Variants in ANK3 observed in about 807,000 individuals in gnomAD.
The protein encoded by ANK3 is ankyrin 3, also known as ankyrin-3.
ANK3 carries 57 observed loss-of-function variants against 370.9 expected under a neutral mutation model. The ratio of observed to expected loss-of-function variants is 0.15; its 90% CI spans 0.12 to 0.19. The LOEUF (loss-of-function observed/expected upper bound fraction) is 0.19, where lower values mean the gene tolerates loss of function less well. ANK3 is among the 10% of genes least tolerant of loss of function. The probability of loss-of-function intolerance (pLI) is 1.00; values close to 1 mark genes in which losing one functional copy is unlikely to be tolerated. For synonymous variants in ANK3, 1,929 were observed against 1,946.3 expected (o/e 0.99, Z 0.23); for missense variants, 4,439 against 5,302.1 (o/e 0.84, Z 5.06).
intron 1 of ANK3, among the ~76,000 whole-genome samples, chr10:60,339,469 T>A (rs1024253571): frequency 6.6e-6 from 1 of 152,194 alleles, no homozygotes; most frequent in Non-Finnish European, 1.5e-5. Context: ...CCCTGTCATG[T>A]AAAACAAGGA....
chr10:60,404,965 A>G (rs1033223862), intron 2 of ANK3, among the ~76,000 whole-genome samples: 2 of 152,196 alleles, frequency 1.3e-5, no homozygotes, highest in African/African-American at 4.8e-5. Flanking sequence ...TGCAAATGAA[A>G]TCTGACATGA....
At chr10:60,616,263 C>A (rs1163860999) in intron 1 of ANK3, among the ~76,000 whole-genome samples, 1 of 152,128 alleles carries the variant, frequency 6.6e-6, no homozygotes, top group African/African-American at 2.4e-5. Flanking sequence ...CTTATTTAAT[C>A]TTCACAACTT....
intron 2 of ANK3, among the ~76,000 whole-genome samples, chr10:60,577,189 C>T (rs1393620488): frequency 6.6e-6 from 1 of 152,162 alleles, no homozygotes; most frequent in Non-Finnish European, 1.5e-5. Context: ...TCCCACAGAG[C>T]TGGCATTGTC....
chr10:60,072,908 C>G lies in ANK3; in HGVS notation c.7973G>C (p.Gly2658Ala), dbSNP rs1387264748. ...TGCCTTCTCCTCGGCCTTGGGGAAG[C>G]CTTGTCCATCAGGGCCATGCTGTCT... ...KARQHGPDGQ[G>A]FPKAEEKAPS... Residue 2658 changes from glycine (G) to alanine (A), a missense_variant, in exon 37 of 44, where the codon GGC (glycine) becomes GCC (alanine). This residue lies in a region of ANK3 where 1,601 missense variants were observed against 1,731.7 expected (regional missense o/e 0.92). Coordinates refer to ENST00000280772, the MANE Select transcript of ANK3 (RefSeq NM_020987.5). The G allele has an allele frequency of 1.9e-6, 3 of 1,613,936 alleles. No individual in the cohort carries two copies. Among genetic ancestry groups the G allele is most frequent in the African/African-American group, 2.7e-5 (2 of 74,902 alleles).
intron 1 of ANK3, among the ~76,000 whole-genome samples, chr10:60,704,191 A>C (rs2079581880): frequency 6.6e-6 from 1 of 152,234 alleles, no homozygotes; most frequent in Non-Finnish European, 1.5e-5. Flanking sequence ...TTAATAATAC[A>C]GGCATGGTAT....
At chr10:60,704,254 T>C (rs1269835918) in intron 1 of ANK3, among the ~76,000 whole-genome samples, 1 of 152,226 alleles carries the variant, frequency 6.6e-6, no homozygotes, top group African/African-American at 2.4e-5. Context: ...GTCACTATCA[T>C]AGGTAATGTC....
intron 1 of ANK3, among the ~76,000 whole-genome samples, chr10:60,299,456 T>C (rs960032408): frequency 2.0e-5 from 3 of 152,344 alleles, no homozygotes; most frequent in South Asian, 4.1e-4. Flanking sequence ...CTAGTCATTA[T>C]GACTATTTCA....
chr10:60,236,115 C>T (rs575835577), intron 7 of ANK3, among the ~76,000 whole-genome samples: 1 of 152,226 alleles, frequency 6.6e-6, no homozygotes, highest in Admixed American at 6.5e-5. Flanking sequence ...AAACATCAAC[C>T]TTTAGCCAAT....
chr10:60,414,445 G>A (rs553754208), intron 2 of ANK3, among the ~76,000 whole-genome samples: 1 of 152,260 alleles, frequency 6.6e-6, no homozygotes, highest in South Asian at 2.1e-4. Context: ...GCAGTTCAAG[G>A]AACACAAGGC....
intron 38 of ANK3, among the ~76,000 whole-genome samples, 153 bp downstream of exon 38, chr10:60,067,782 T>C (rs1390595742): frequency 6.6e-6 from 1 of 152,226 alleles, no homozygotes; most frequent in Non-Finnish European, 1.5e-5. Flanking sequence ...GTACAATCAG[T>C]ATTTATCTCT....
chr10:60,067,812 T>C, intron 38 of ANK3, 123 bp downstream of exon 38: 1 of 640,038 alleles, frequency 1.6e-6, no homozygotes, highest in Non-Finnish European at 2.5e-6. Flanking sequence ...AAATTATTGG[T>C]GATAAAAATG....
chr10:60,506,939 C>T (rs577728055), intron 2 of ANK3, among the ~76,000 whole-genome samples: 1 of 152,076 alleles, frequency 6.6e-6, no homozygotes, highest in East Asian at 1.9e-4. Flanking sequence ...TTCATAATCC[C>T]TAATTTATGA....
intron 25 of ANK3, among the ~76,000 whole-genome samples, chr10:60,128,456 C>T (rs929592696): frequency 6.6e-5 from 10 of 151,794 alleles, no homozygotes; most frequent in African/African-American, 9.7e-5. Context: ...CTCAGCTCAC[C>T]GCAACCTCTG....
intron 2 of ANK3, among the ~76,000 whole-genome samples, chr10:60,612,787 C>T (rs931193152): frequency 4.6e-5 from 7 of 152,192 alleles, no homozygotes; most frequent in Admixed American, 3.9e-4. Flanking sequence ...TTCCTGGTGG[C>T]GTTGGAGCCT....
chr10:60,214,923 T>C (rs2096912807), intron 8 of ANK3, among the ~76,000 whole-genome samples: 1 of 152,238 alleles, frequency 6.6e-6, no homozygotes, highest in Non-Finnish European at 1.5e-5. Flanking sequence ...TCTAGATTCT[T>C]GAGGAATTGT....
At chr10:60,394,510 G>A (rs1046547594), upstream of ANK3, among the ~76,000 whole-genome samples, 4 of 152,092 alleles carry the variant, frequency 2.6e-5, no homozygotes, top group African/African-American at 9.7e-5. Context: ...GTGCTGGAGA[G>A]AGAGCCAGCT....
chr10:60,539,085 C>T (rs1439402217), intron 2 of ANK3, among the ~76,000 whole-genome samples: 1 of 151,738 alleles, frequency 6.6e-6, no homozygotes, highest in Non-Finnish European at 1.5e-5. Flanking sequence ...TCTGATAATA[C>T]ATTTTCAGAG....
intron 42 of ANK3, among the ~76,000 whole-genome samples, chr10:60,049,184 T>G (rs1249953056): frequency 6.6e-6 from 1 of 152,210 alleles, no homozygotes; most frequent in Admixed American, 6.5e-5. Flanking sequence ...ATGAAAGATA[T>G]CTCTCAAAGC....
chr10:60,268,056 C>T (rs769099782), intron 5 of ANK3, among the ~76,000 whole-genome samples: 1 of 152,104 alleles, frequency 6.6e-6, no homozygotes, highest in Non-Finnish European at 1.5e-5. Context: ...TGGAGTGTAG[C>T]GACTACTCAC....
Sources: gnomAD v4.1 joint callset for allele counts (sites outside exome capture counted in the v4.1 genomes callset) on GRCh38, gnomAD v4.1.1 for gene constraint, gnomAD v4.1.1 regional missense constraint, MANE v1.5 for transcripts, NCBI Gene and HGNC (gene_info 2026-07-23, HGNC 2026-07-21) for gene names.